The following CNKSR3 variants were observed in gnomAD, a reference collection of about 807,000 sequenced individuals.
The protein encoded by CNKSR3 is connector enhancer of kinase suppressor of ras 3.
A neutral mutation model predicts 67.7 loss-of-function variants in CNKSR3; 36 were observed. The observed-to-expected ratio is 0.53, with a 90% CI of 0.41 to 0.70. CNKSR3 has a LOEUF of 0.70. Among genes scored for constraint, CNKSR3 ranks in the 30% least tolerant of loss-of-function variants. The probability of loss-of-function intolerance (pLI) is 0.00; values close to 1 mark genes in which losing one functional copy is unlikely to be tolerated. For missense variants in CNKSR3, 630 were observed against 695.2 expected (o/e 0.91, Z 1.05); for synonymous variants, 281 against 271.4 (o/e 1.04, Z -0.35).
intron 1 of CNKSR3, among the ~76,000 whole-genome samples, chr6:154,503,217 C>G (rs1582907860): frequency 6.6e-6 from 1 of 152,210 alleles, no homozygotes; most frequent in Admixed American, 6.5e-5. Flanking sequence ...AAAAGCCCAT[C>G]TCATCCTCCT....
chr6:154,406,739 G>A, intron 12 of CNKSR3, 87 bp from the exon 13 acceptor site: 2 of 1,198,508 alleles, frequency 1.7e-6, no homozygotes, highest in Non-Finnish European at 2.3e-6. Context: ...GGAGGTCGAG[G>A]TGGGTGGATC....
chr6:154,486,314 T>TA lies in CNKSR3; in HGVS notation c.52+23748dup, dbSNP rs528180371. Among the ~76,000 whole-genome samples, 66 of 150,500 alleles carry TA rather than the reference T, an allele frequency of 4.4e-4. 1 individual carries two copies. In the East Asian group the frequency reaches 0.012, roughly 28 times the overall value. The stretch of plus-strand genomic sequence containing the variant: ...CTCTCTTTTTCTTTTTTTTTTTTTT[T>TA]AGACGGAGTCTCACTCTGTCTCCCA... On this transcript the variant is annotated intron_variant, in intron 1 of 12. Transcript: ENST00000607772.
intron 4 of CNKSR3, chr6:154,434,190 T>C (rs1424766494): frequency 6.6e-6 from 1 of 152,234 alleles, no homozygotes; most frequent in Non-Finnish European, 1.5e-5. Flanking sequence ...CTGGGTTAGC[T>C]GATTATAGGA....
chr6:154,453,283 G>A (rs1785876977), intron 1 of CNKSR3, among the ~76,000 whole-genome samples: 1 of 152,174 alleles, frequency 6.6e-6, no homozygotes, highest in African/African-American at 2.4e-5. Flanking sequence ...GAAGGAGTAG[G>A]ATTTCAGAAG....
At chr6:154,466,364 A>G (rs999100100) in intron 1 of CNKSR3, among the ~76,000 whole-genome samples, 6 of 152,178 alleles carry the variant, frequency 3.9e-5, no homozygotes, top group Non-Finnish European at 8.8e-5. Flanking sequence ...GTGTTTCACC[A>G]CAAAAACAAA....
intron 1 of CNKSR3, among the ~76,000 whole-genome samples, chr6:154,461,137 G>T (rs1487681916): frequency 6.6e-6 from 1 of 152,194 alleles, no homozygotes; most frequent in Non-Finnish European, 1.5e-5. Flanking sequence ...GATCCCTGCA[G>T]TGACCCCACG....
chr6:154,448,068 G>C (rs894711861), intron 2 of CNKSR3, among the ~76,000 whole-genome samples: 3 of 152,106 alleles, frequency 2.0e-5, no homozygotes, highest in African/African-American at 7.2e-5. Flanking sequence ...TCCAGAATGA[G>C]TCTGAGGTCA....
intron 2 of CNKSR3, among the ~76,000 whole-genome samples, chr6:154,442,544 C>T (rs1005120055): frequency 6.6e-6 from 1 of 152,162 alleles, no homozygotes; most frequent in Non-Finnish European, 1.5e-5. Flanking sequence ...ATGGCGTGAA[C>T]CCGGGAGGCA....
At chr6:154,470,617 T>G (rs1786308432) in intron 1 of CNKSR3, among the ~76,000 whole-genome samples, 1 of 152,244 alleles carries the variant, frequency 6.6e-6, no homozygotes, top group Non-Finnish European at 1.5e-5. Context: ...GCACCAGTAC[T>G]TCAGTCCTCT....
In CNKSR3 at chr6:154,422,512, A is replaced by G. The variant is rs752229556; in HGVS notation, c.939T>C (p.Leu313=). ...PLKNLRWKPP[L]VQTSPPPATT... is the part of the protein sequence containing the mutation. ...TACAGTTAATCCCAGATACCTGTAC[A>G]AGAGGTGGCTTCCACCGTAGGTTTT... Residue 313 remains leucine, a synonymous_variant, in exon 9 of 13, where the codon CTT becomes CTC. Coordinates refer to ENST00000607772, the MANE Select transcript of CNKSR3 (RefSeq NM_173515.4). 9 of 1,614,032 alleles carry G rather than the reference A, an allele frequency of 5.6e-6. No homozygotes were observed. The Admixed American group carries it at 1.3e-4, about 24-fold the overall frequency.
At chr6:154,439,553 A>G (rs1266666006) in intron 4 of CNKSR3, among the ~76,000 whole-genome samples, 1 of 152,214 alleles carries the variant, frequency 6.6e-6, no homozygotes, top group Non-Finnish European at 1.5e-5. Flanking sequence ...GCTAATCACA[A>G]TATTTAACTC....
chr6:154,453,532 C>T (rs750011175), intron 1 of CNKSR3, among the ~76,000 whole-genome samples: 3 of 152,162 alleles, frequency 2.0e-5, no homozygotes, highest in South Asian at 4.1e-4. Flanking sequence ...AGAAAAATCA[C>T]GTTACTGCCC....
intron 4 of CNKSR3, among the ~76,000 whole-genome samples, chr6:154,435,793 C>A (rs1193359368): frequency 2.0e-5 from 3 of 152,260 alleles, no homozygotes; most frequent in Non-Finnish European, 4.4e-5. Context: ...TGCCTCTCCT[C>A]CTATTCTGCC....
intron 1 of CNKSR3, among the ~76,000 whole-genome samples, chr6:154,489,446 G>T (rs534231599): frequency 1.3e-5 from 2 of 152,098 alleles, no homozygotes; most frequent in Non-Finnish European, 2.9e-5. Flanking sequence ...CACAAGAATC[G>T]CTTGAACCCG....
At chr6:154,437,406 T>C (rs1425161852) in intron 4 of CNKSR3, among the ~76,000 whole-genome samples, 1 of 132,152 alleles carries the variant, frequency 7.6e-6, no homozygotes, top group Non-Finnish European at 1.6e-5. Flanking sequence ...AAAGCACCTA[T>C]GTTCTTTTTT....
chr6:154,452,518 C>T (rs1233881184), intron 1 of CNKSR3, among the ~76,000 whole-genome samples: 1 of 152,170 alleles, frequency 6.6e-6, no homozygotes, highest in Non-Finnish European at 1.5e-5. Flanking sequence ...ATGATTTTCT[C>T]TTCTCTCTTG....
At chr6:154,442,478 C>T (rs1785618143) in intron 2 of CNKSR3, among the ~76,000 whole-genome samples, 188 bp from the exon 3 acceptor site, 2 of 152,108 alleles carry the variant, frequency 1.3e-5, no homozygotes, top group South Asian at 4.1e-4. Context: ...AAAAATTAGC[C>T]GGGCGTGGTG....
intron 2 of CNKSR3, 51 bp downstream of exon 2, chr6:154,450,044 A>G: frequency 6.5e-7 from 1 of 1,535,220 alleles, no homozygotes; most frequent in South Asian, 1.2e-5. Context: ...TTAAGAGAGC[A>G]AGGCTCTAAA....
chr6:154,457,518 G>A (rs960929111), intron 1 of CNKSR3, among the ~76,000 whole-genome samples: 7 of 152,138 alleles, frequency 4.6e-5, no homozygotes, highest in African/African-American at 1.2e-4. Context: ...TCAGGAGTTC[G>A]AGAACAGCCT....
Sources: gnomAD v4.1 joint callset for allele counts (sites outside exome capture counted in the v4.1 genomes callset) on GRCh38, gnomAD v4.1.1 for gene constraint, MANE v1.5 for transcripts, NCBI Gene and HGNC (gene_info 2026-07-23, HGNC 2026-07-21) for gene names.